Variants in SYNPR observed in about 807,000 individuals in gnomAD.
The protein encoded by SYNPR is synaptoporin.
A neutral mutation model predicts 32.9 loss-of-function variants in SYNPR; 23 were observed. The ratio of observed to expected loss-of-function variants is 0.70; its 90% CI spans 0.50 to 0.99. The LOEUF is 0.99. SYNPR is among the 50% of genes least tolerant of loss of function. The probability of loss-of-function intolerance (pLI) is 0.00; values close to 1 mark genes in which losing one functional copy is unlikely to be tolerated. For missense variants in SYNPR, 318 were observed against 349.3 expected, an observed-to-expected ratio of 0.91 and a Z score of 0.71; for synonymous variants, 146 against 135.9, an observed-to-expected ratio of 1.07 and a Z score of -0.52.
intron 3 of SYNPR, among the ~76,000 whole-genome samples, chr3:63,538,396 C>A (rs961930377): frequency 6.6e-6 from 1 of 151,840 alleles, no homozygotes; most frequent in Non-Finnish European, 1.5e-5. Flanking sequence ...CATTACACAG[C>A]AGTTGATGAT....
chr3:63,569,733 A>G (rs904991696), intron 4 of SYNPR, among the ~76,000 whole-genome samples: 4 of 152,246 alleles, frequency 2.6e-5, no homozygotes, highest in Admixed American at 6.5e-5. Context: ...TTGAGACTCA[A>G]AAAGTGAAGT....
chr3:63,268,065 C>T (rs1450374713), intron 3 of SYNPR, among the ~76,000 whole-genome samples: 1 of 152,094 alleles, frequency 6.6e-6, no homozygotes, highest in Non-Finnish European at 1.5e-5. Flanking sequence ...AATAATTGCT[C>T]TTAATGGAAA....
intron 3 of SYNPR, among the ~76,000 whole-genome samples, chr3:63,524,475 T>C (rs1441255399): frequency 6.6e-6 from 1 of 152,172 alleles, no homozygotes; most frequent in Non-Finnish European, 1.5e-5. Flanking sequence ...CATATCATCC[T>C]ATATTTTAAA....
intron 2 of SYNPR, among the ~76,000 whole-genome samples, chr3:63,442,212 G>GGA (rs146072459): frequency 1.9e-5 from 2 of 106,378 alleles, no homozygotes; most frequent in Non-Finnish European, 4.0e-5. Flanking sequence ...AGAGAGAGAA[G>GGA]GAGACAGAGA....
At chr3:63,389,424 T>C (rs1477423258) in intron 2 of SYNPR, among the ~76,000 whole-genome samples, 1 of 152,212 alleles carries the variant, frequency 6.6e-6, no homozygotes, top group East Asian at 1.9e-4. Context: ...GTGGCAAACT[T>C]ATCATCCCAG....
intron 3 of SYNPR, among the ~76,000 whole-genome samples, chr3:63,519,168 T>G (rs190839284): frequency 6.6e-6 from 1 of 152,258 alleles, no homozygotes; most frequent in East Asian, 1.9e-4. Context: ...CCTGCTAGTA[T>G]TTGTTGAGGA....
At chr3:63,598,627 CG>C (rs1390425390) in intron 4 of SYNPR, among the ~76,000 whole-genome samples, 21 of 152,098 alleles carry the variant, frequency 1.4e-4, no homozygotes, top group African/African-American at 5.1e-4. Flanking sequence ...TACTCCTGGC[CG>C]CAGTTTCTTC....
chr3:63,390,850 G>A (rs1382001109), intron 2 of SYNPR, among the ~76,000 whole-genome samples: 1 of 152,076 alleles, frequency 6.6e-6, no homozygotes, highest in African/African-American at 2.4e-5. Context: ...TGTATTCATT[G>A]CACCTTCATA....
chr3:63,491,077 T>C (rs1701249802), intron 3 of SYNPR, among the ~76,000 whole-genome samples: 1 of 152,030 alleles, frequency 6.6e-6, no homozygotes, highest in African/African-American at 2.4e-5. Flanking sequence ...GTGTCAGCAG[T>C]CAAAACACAA....
the SYNPR span, among the ~76,000 whole-genome samples, chr3:63,210,681 C>T: frequency 2.6e-5 from 4 of 152,150 alleles, no homozygotes; most frequent in Non-Finnish European, 5.9e-5. Context: ...GTAAAAACAC[C>T]TGGTAACTGT....
chr3:63,505,706 T>C (rs1297226428), intron 3 of SYNPR, among the ~76,000 whole-genome samples: 3 of 152,198 alleles, frequency 2.0e-5, no homozygotes, highest in African/African-American at 7.2e-5. Flanking sequence ...ACAAGATAAA[T>C]ATTTTATTCC....
chr3:63,362,826 A>G (rs2087678746), intron 2 of SYNPR, among the ~76,000 whole-genome samples: 1 of 152,148 alleles, frequency 6.6e-6, no homozygotes, highest in Admixed American at 6.5e-5. Context: ...ACTTTCCAAA[A>G]TCTGTTCCTT....
At chr3:63,614,449 G>A (rs1266241368) in intron 5 of SYNPR, among the ~76,000 whole-genome samples, 1 of 152,184 alleles carries the variant, frequency 6.6e-6, no homozygotes, top group Non-Finnish European at 1.5e-5. Flanking sequence ...TGGAGAGTAA[G>A]AGGAATTTCC....
chr3:63,524,868 TGTGA>T (rs1485383320), intron 3 of SYNPR, among the ~76,000 whole-genome samples: 3,029 of 149,548 alleles, frequency 0.02, 106 homozygotes, highest in African/African-American at 0.071. Flanking sequence ...TGTGTGTGTG[TGTGA>T]GAGAGAGAGA....
intron 2 of SYNPR, among the ~76,000 whole-genome samples, chr3:63,351,920 C>T (rs1560201685): frequency 2.0e-5 from 3 of 152,190 alleles, no homozygotes; most frequent in South Asian, 4.1e-4. Context: ...GAATGATAAT[C>T]GACTCATACA....
intron 2 of SYNPR, among the ~76,000 whole-genome samples, chr3:63,322,099 A>C (rs1292891678): frequency 6.6e-6 from 1 of 151,990 alleles, no homozygotes; most frequent in African/African-American, 2.4e-5. Context: ...CTTGGCCAGA[A>C]TGTTAGGAAA....
At position 63,343,799 on chromosome 3, in the gene SYNPR, T is replaced by C. The variant is rs141899397; in HGVS notation, c.84+65057T>C. On this transcript the variant is annotated intron_variant, in intron 2 of 5. Transcript: ENST00000478300. ...CAGAGGTTTGGGCGATTATTCAAAG[T>C]GCTGAGAGATAACAAGGGTACAGTT... 1.7e-4 allele frequency among the ~76,000 whole-genome samples: 26 copies of C among 152,336 alleles called. No homozygotes were observed. In the East Asian group the frequency reaches 4.8e-3, roughly 28 times the overall value.
At chr3:63,588,583 C>G (rs1703235252) in intron 4 of SYNPR, among the ~76,000 whole-genome samples, 1 of 152,108 alleles carries the variant, frequency 6.6e-6, no homozygotes, top group Admixed American at 6.6e-5. Flanking sequence ...GTTCAATAAG[C>G]ATCCCCAAAT....
Position 63,615,273 on chromosome 3 carries a change from T to C in SYNPR, c.650T>C (p.Val217Ala), listed in dbSNP as rs759400053. 1 of 1,613,852 alleles carries C rather than the reference T, an allele frequency of 6.2e-7. No homozygotes were observed. The highest frequency in any genetic ancestry group is 8.5e-7 in the Non-Finnish European group (1 of 1,179,816). Residue 217 changes from valine (V) to alanine (A), a missense_variant, in exon 6 of 6, where the codon GTT becomes GCT. Transcript: ENST00000478300. ...CTCTGGGCTGGAAACATATGGTTTG[T>C]TTTCAAGGAGACCGGCTGGCATTCT... ...FILWAGNIWF[V>A]FKETGWHSSG...
Sources: gnomAD v4.1 joint callset for allele counts (sites outside exome capture counted in the v4.1 genomes callset) on GRCh38, gnomAD v4.1.1 for gene constraint, MANE v1.5 for transcripts, NCBI Gene and HGNC (gene_info 2026-07-23, HGNC 2026-07-21) for gene names.